Variants in TBC1D32 observed in about 807,000 individuals in gnomAD.
The protein encoded by TBC1D32 is TBC1 domain family member 32, also known as protein broad-minded.
A neutral mutation model predicts 170.3 loss-of-function variants in TBC1D32; 151 were observed. The ratio of observed to expected loss-of-function variants is 0.89; its 90% CI spans 0.78 to 1.01. The LOEUF (loss-of-function observed/expected upper bound fraction) is 1.01. Among genes scored for constraint, TBC1D32 ranks in the 50% least tolerant of loss-of-function variants. The pLI is 0.00. For missense variants in TBC1D32, 1,464 were observed against 1,457.1 expected, an observed-to-expected ratio of 1.00 and a Z score of -0.08; for synonymous variants, 498 against 488.0, an observed-to-expected ratio of 1.02 and a Z score of -0.27.
intron 24 of TBC1D32, among the ~76,000 whole-genome samples, chr6:121,153,815 G>C (rs1784504349): frequency 6.6e-6 from 1 of 152,010 alleles, no homozygotes; most frequent in African/African-American, 2.4e-5. Flanking sequence ...CACCACTCAA[G>C]CCTTAATAAG....
At chr6:121,109,810 T>A (rs1216418556) in intron 29 of TBC1D32, among the ~76,000 whole-genome samples, 2 of 152,204 alleles carry the variant, frequency 1.3e-5, no homozygotes, top group Non-Finnish European at 2.9e-5. Context: ...AATTAATTTT[T>A]CATTACTTCC....
chr6:121,115,158 T>C lies in TBC1D32; in HGVS notation c.3053+14A>G, dbSNP rs1014917552. ...TCTAGAAATGCACAAGGGAGCTATT[T>C]CCCTATAATATACCTGACAGTCATT... is the stretch of plus-strand genomic sequence containing the variant. On this transcript the variant is annotated intron_variant, in intron 27 of 31. Transcript: ENST00000398212. 1 of 1,571,880 alleles carries C rather than the reference T, an allele frequency of 6.4e-7. No homozygotes were observed. The highest frequency in any genetic ancestry group is 1.4e-5 in the African/African-American group (1 of 73,806).
chr6:121,317,611 TA>T lies in TBC1D32; in HGVS notation c.378del (p.Asn127ThrfsTer37). ...NIMIAVVESMINKFEEDETRN... is the reference protein window; with the variant it reads ...NIMIAVVESMXNKFEEDETRN... ...CGTGTCTCATCTTCTTCAAACTTGT[TA>T]ATCATAGACTCGACCACAGCTATCA... On this transcript the variant is annotated frameshift_variant, in exon 3 of 32. Coordinates refer to ENST00000398212, the MANE Select transcript of TBC1D32 (RefSeq NM_152730.6). LOFTEE classifies it high-confidence loss of function. The T allele has an allele frequency of 6.2e-7, 1 of 1,612,744 alleles. No homozygotes were observed. The highest frequency in any genetic ancestry group is 8.5e-7 in the Non-Finnish European group (1 of 1,179,272).
chr6:121,187,754 CAAAAAAAA>C (rs67915120), intron 22 of TBC1D32, among the ~76,000 whole-genome samples: 5 of 128,674 alleles, frequency 3.9e-5, no homozygotes, highest in African/African-American at 1.2e-4. Context: ...TGCTCAGGGC[CAAAAAAAA>C]AAAAAAAAAA....
intron 15 of TBC1D32, among the ~76,000 whole-genome samples, chr6:121,259,385 T>C (rs1799473795): frequency 6.6e-6 from 1 of 151,888 alleles, no homozygotes; most frequent in Non-Finnish European, 1.5e-5. Context: ...ATAATATCTA[T>C]ATAGAAAAAA....
In TBC1D32 at chr6:121,256,268, A is replaced by G. The variant is rs143181650; in HGVS notation, c.1751T>C (p.Ile584Thr). ...AAGTTTTTTCGAAAACTGGGCAATT[A>G]TATGAGCACCTGTAGGACTAAAAGA... Reference protein sequence around the residue: ...SSEESPTGAHIIAQFSKKLLD... With the variant: ...SSEESPTGAHTIAQFSKKLLD... The change falls in exon 16 of 32, where the codon ATA (isoleucine) becomes ACA (threonine). Residue 584 changes from isoleucine (I) to threonine (T), a missense_variant. Physicochemically the swap from Ile to Thr is moderately conservative, Grantham distance 89. This residue lies in a region of TBC1D32 where 1,363 missense variants were observed against 1,338.1 expected (regional missense o/e 1.02). Coordinates refer to ENST00000398212, the MANE Select transcript of TBC1D32 (RefSeq NM_152730.6). 3 of 1,613,098 alleles carry G rather than the reference A, an allele frequency of 1.9e-6. No individual in the cohort carries two copies. Among genetic ancestry groups the G allele is most frequent in the African/African-American group, 1.3e-5 (1 of 74,976 alleles).
chr6:121,304,444 A>G lies in TBC1D32; in HGVS notation c.874-18T>C. The G allele has an allele frequency of 6.2e-7, 1 of 1,609,984 alleles. No individual in the cohort carries two copies. Among genetic ancestry groups the G allele is most frequent in the Non-Finnish European group, 8.5e-7 (1 of 1,178,696 alleles). On this transcript the variant is annotated intron_variant, in intron 7 of 31. Transcript: ENST00000398212. ...AGACGAACCTACAAAGCAGTGCACAATAGTTCTCAAAAAATTAGCATCCTC... is the reference window on the plus strand; with the variant it reads ...AGACGAACCTACAAAGCAGTGCACAGTAGTTCTCAAAAAATTAGCATCCTC...
At chr6:121,210,420 G>A (rs891704943) in intron 21 of TBC1D32, among the ~76,000 whole-genome samples, 6 of 152,046 alleles carry the variant, frequency 3.9e-5, no homozygotes, top group Admixed American at 2.0e-4. Flanking sequence ...TCTTACTGAC[G>A]GGAATGCAAA....
At chr6:121,226,354 G>C (rs1795066505) in intron 20 of TBC1D32, among the ~76,000 whole-genome samples, 1 of 152,118 alleles carries the variant, frequency 6.6e-6, no homozygotes, top group African/African-American at 2.4e-5. Flanking sequence ...TGTAGGGAGA[G>C]GTGAAAGGTA....
chr6:121,104,608 T>C (rs1778497169), intron 30 of TBC1D32, among the ~76,000 whole-genome samples: 1 of 151,360 alleles, frequency 6.6e-6, no homozygotes, highest in African/African-American at 2.4e-5. Flanking sequence ...CTAGAAAAAA[T>C]ATAACAATGA....
chr6:121,112,976 A>G (rs1057463337), intron 28 of TBC1D32, 86 bp downstream of exon 28: 5 of 944,206 alleles, frequency 5.3e-6, no homozygotes, highest in Non-Finnish European at 6.5e-6. Context: ...CTACTTTACT[A>G]TAAATGTGTC....
intron 21 of TBC1D32, among the ~76,000 whole-genome samples, chr6:121,209,097 A>G (rs566183257): frequency 1.3e-5 from 2 of 151,680 alleles, no homozygotes; most frequent in East Asian, 3.9e-4. Context: ...AAAAGCATTT[A>G]GTCTTCACAA....
chr6:121,161,104 T>C (rs757853426), intron 22 of TBC1D32, 48 bp from the exon 23 acceptor site: 1 of 1,380,472 alleles, frequency 7.2e-7, no homozygotes, highest in Non-Finnish European at 1.0e-6. Context: ...ATTGAATATG[T>C]GTTAATTTTT....
chr6:121,103,386 A>G (rs1370816922), intron 30 of TBC1D32, among the ~76,000 whole-genome samples: 1 of 151,968 alleles, frequency 6.6e-6, no homozygotes, highest in Non-Finnish European at 1.5e-5. Flanking sequence ...CATATATACC[A>G]TGGAATACTA....
At chr6:121,113,941 C>T (rs1466771857) in intron 27 of TBC1D32, among the ~76,000 whole-genome samples, 4 of 152,024 alleles carry the variant, frequency 2.6e-5, no homozygotes, top group Non-Finnish European at 4.4e-5. Context: ...TTTGGGAGGC[C>T]GAGGTGGGTG....
At chr6:121,299,694 G>T (rs1210528050) in intron 9 of TBC1D32, among the ~76,000 whole-genome samples, 189 bp from the exon 10 acceptor site, 1 of 152,010 alleles carries the variant, frequency 6.6e-6, no homozygotes, top group African/African-American at 2.4e-5. Context: ...AATGCAAATC[G>T]TATCAAAAAA....
intron 18 of TBC1D32, among the ~76,000 whole-genome samples, chr6:121,241,809 G>A (rs1273180714): frequency 1.3e-5 from 2 of 152,082 alleles, no homozygotes; most frequent in African/African-American, 4.8e-5. Flanking sequence ...TAGAATAATA[G>A]AATGCCTCTA....
chr6:121,304,873 C>T (rs1487219642), intron 5 of TBC1D32, 40 bp from the exon 6 acceptor site: 4 of 1,332,548 alleles, frequency 3.0e-6, no homozygotes, highest in Non-Finnish European at 3.2e-6. Context: ...TAAGATCTCA[C>T]AAGAATAGAA....
At chr6:121,272,523 G>A (rs571466353) in intron 15 of TBC1D32, among the ~76,000 whole-genome samples, 20 of 152,144 alleles carry the variant, frequency 1.3e-4, no homozygotes, top group East Asian at 5.8e-4. Context: ...CATCATCACC[G>A]GCCATCAGAG....
Sources: gnomAD v4.1 joint callset for allele counts (sites outside exome capture counted in the v4.1 genomes callset) on GRCh38, gnomAD v4.1.1 for gene constraint, gnomAD v4.1.1 regional missense constraint, MANE v1.5 for transcripts, NCBI Gene and HGNC (gene_info 2026-07-23, HGNC 2026-07-21) for gene names.